NPLOC4: variants seen among roughly 807,000 people sequenced by gnomAD.
NPLOC4 encodes the protein NPL4 homolog, ubiquitin recognition factor, also known as nuclear protein localization protein 4 homolog.
Under a neutral mutation model 80.6 loss-of-function variants are expected in NPLOC4, and 18 were observed. The observed-to-expected ratio is 0.22, with a 90% CI of 0.15 to 0.33. The LOEUF (loss-of-function observed/expected upper bound fraction) is 0.33. Among genes scored for constraint, NPLOC4 ranks in the 10% least tolerant of loss-of-function variants. The probability of loss-of-function intolerance (pLI) is 1.00; values close to 1 mark genes in which losing one functional copy is unlikely to be tolerated. For synonymous variants in NPLOC4, 313 were observed against 301.5 expected (o/e 1.04, Z -0.39); for missense variants, 540 against 786.1 (o/e 0.69, Z 3.74).
At position 81,572,903 on chromosome 17, in the gene NPLOC4, C is replaced by A. The variant is rs1441495861; in HGVS notation, c.1282-815G>T. Among the ~76,000 whole-genome samples, 1 of 152,202 alleles carries A rather than the reference C, an allele frequency of 6.6e-6. No homozygotes were observed. Among genetic ancestry groups the A allele is most frequent in the East Asian group, 1.9e-4 (1 of 5,202 alleles). On this transcript the variant is annotated intron_variant, in intron 12 of 16. Coordinates refer to ENST00000331134, the MANE Select transcript of NPLOC4 (RefSeq NM_017921.4). The surrounding 1 kb of genome is among the most constrained non-coding windows in gnomAD (Gnocchi z 4.5). ...ATAAAGGCATGCACAAATGAGCGCA[C>A]ACACAAATATGAAGACACGGGAACC...
rs1262833834 is a variant in NPLOC4 at position 81,631,450 on chromosome 17, TTTTTTTTTTTTTC to T, written c.16-1658_16-1646del. ...TATATATATATATTTTTTTTTTTTT[TTTTTTTTTTTTTC>T]CCCCACGGCAAGCCTAAAAAGGTTG... On this transcript the variant is annotated intron_variant, in intron 1 of 16. Coordinates refer to ENST00000331134, the MANE Select transcript of NPLOC4 (RefSeq NM_017921.4). 7.6e-5 allele frequency among the ~76,000 whole-genome samples: 8 copies of T among 105,830 alleles called. 1 individual carries two copies. Among genetic ancestry groups the T allele is most frequent in the East Asian group, 6.1e-4 (2 of 3,298 alleles). 69.4% of individuals were successfully genotyped at this position (105,830 alleles called of 152,430 possible).
chr17:81,635,157 C>T (rs1393697485), intron 1 of NPLOC4, among the ~76,000 whole-genome samples: 2 of 151,724 alleles, frequency 1.3e-5, no homozygotes, highest in South Asian at 2.1e-4. Context: ...CTGGCCAACA[C>T]GGTGAAACCC....
rs1321468594 is a variant in NPLOC4, at chr17:81,611,944, A to T, written c.386+1374T>A. Among the ~76,000 whole-genome samples the T allele has an allele frequency of 2.1e-5, 3 of 140,044 alleles. No individual in the cohort carries two copies. The East Asian group carries it at 6.1e-4, about 29-fold the overall frequency. The allele number at this position is 140,044 out of a possible 152,430, so 91.9% of individuals were successfully genotyped here. A position where few individuals can be genotyped will look rare whatever the true frequency, so the allele number is the denominator to read the frequency against. On this transcript the variant is annotated intron_variant, in intron 4 of 16. Coordinates refer to ENST00000331134, the MANE Select transcript of NPLOC4 (RefSeq NM_017921.4). Reference sequence around the variant, plus strand: ...CACTGCACTCCAGCCTGGGTGACAGAGCGAGAGTCCATCTCAAAAAAAAAA... The same window carrying T: ...CACTGCACTCCAGCCTGGGTGACAGTGCGAGAGTCCATCTCAAAAAAAAAA...
At chr17:81,624,563 A>G (rs1454095712) in intron 2 of NPLOC4, among the ~76,000 whole-genome samples, 1 of 151,970 alleles carries the variant, frequency 6.6e-6, no homozygotes, top group Non-Finnish European at 1.5e-5. Context: ...ACGCCATTAC[A>G]CTCTAGCCTG....
intron 12 of NPLOC4, among the ~76,000 whole-genome samples, chr17:81,582,623 G>A (rs1028067638): frequency 6.6e-6 from 1 of 152,122 alleles, no homozygotes; most frequent in Non-Finnish European, 1.5e-5. Flanking sequence ...GACTGGCCTC[G>A]ACTTCCTGAG....
rs542642627 is a variant in NPLOC4 at position 81,633,644 on chromosome 17, T to C, written c.15+3272A>G. 7.0e-4 allele frequency among the ~76,000 whole-genome samples: 107 copies of C among 152,202 alleles called. No homozygotes were observed. In the South Asian group the frequency reaches 7.7e-3, roughly 11 times the overall value. On this transcript the variant is annotated intron_variant, in intron 1 of 16. Transcript: ENST00000331134. ...TTAAGTTTCCCTATTTATAAGAAAA[T>C]AAGACTAGAACGCTTCTTGGGGAAG...
chr17:81,565,282 T>C (rs2033974522), intron 16 of NPLOC4: 2 of 699,446 alleles, frequency 2.9e-6, no homozygotes, highest in Non-Finnish European at 5.2e-6. Context: ...CAGGGCTGTG[T>C]ACCTAAGACG....
intron 6 of NPLOC4, among the ~76,000 whole-genome samples, 159 bp from the exon 7 acceptor site, chr17:81,606,973 G>C (rs1213527603): frequency 6.6e-6 from 1 of 152,208 alleles, no homozygotes; most frequent in African/African-American, 2.4e-5. Flanking sequence ...TCTAATGGAA[G>C]CTCTACCTAC....
rs941192904 is a variant in NPLOC4, at chr17:81,577,743, G to C, written c.1282-5655C>G. ...GACCCATGGCTCTACTCTGGCACCA[G>C]TGCCAACCCTGCTCCCCAAAACCAG... On this transcript the variant is annotated intron_variant, in intron 12 of 16. Coordinates refer to ENST00000331134, the MANE Select transcript of NPLOC4 (RefSeq NM_017921.4). This position sits in a 1 kb window ranked among gnomAD's most constrained non-coding sequence, Gnocchi z 4.3. 6.6e-6 allele frequency among the ~76,000 whole-genome samples: 1 copy of C among 152,174 alleles called. No individual in the cohort carries two copies. The highest frequency in any genetic ancestry group is 6.5e-5 in the Admixed American group (1 of 15,276).
At position 81,618,428 on chromosome 17, in the gene NPLOC4, C is replaced by T. The variant is rs369358806; in HGVS notation, c.209+3738G>A. 1.7e-4 allele frequency among the ~76,000 whole-genome samples: 26 copies of T among 152,098 alleles called. 1 individual carries two copies. In the South Asian group the frequency reaches 4.8e-3, roughly 28 times the overall value. Reference sequence around the variant, plus strand: ...AGGAGCCCCTCCGCCCCGCAGCCGCCCCGTCTGGGAAGTGAGGAGCGTCTC... The same window carrying T: ...AGGAGCCCCTCCGCCCCGCAGCCGCTCCGTCTGGGAAGTGAGGAGCGTCTC... On this transcript the variant is annotated intron_variant, in intron 3 of 16. Transcript: ENST00000331134.
chr17:81,617,091 G>A (rs1448172236), intron 3 of NPLOC4, among the ~76,000 whole-genome samples: 1 of 152,162 alleles, frequency 6.6e-6, no homozygotes, highest in Non-Finnish European at 1.5e-5. Flanking sequence ...CGAGACCCAA[G>A]AGGCAGGCCC....
chr17:81,565,742 T>A, intron 15 of NPLOC4, 135 bp from the exon 16 acceptor site: 1 of 657,866 alleles, frequency 1.5e-6, no homozygotes. Flanking sequence ...GCTATCACTA[T>A]AAAATGCAAA....
intron 12 of NPLOC4, among the ~76,000 whole-genome samples, chr17:81,581,649 C>T (rs903952151): frequency 1.3e-5 from 2 of 152,196 alleles, no homozygotes; most frequent in African/African-American, 4.8e-5. Context: ...CCAGTGAAGG[C>T]AGTCCATGGG....
chr17:81,623,939 T>G (rs1486191061), intron 2 of NPLOC4, among the ~76,000 whole-genome samples: 1 of 152,082 alleles, frequency 6.6e-6, no homozygotes, highest in Admixed American at 6.6e-5. Context: ...TAAGCAGTTC[T>G]ATGTGCTCAG....
intron 11 of NPLOC4, among the ~76,000 whole-genome samples, chr17:81,594,521 C>A (rs1434898618): frequency 2.0e-5 from 3 of 151,574 alleles, no homozygotes; most frequent in African/African-American, 4.8e-5. Context: ...TCACGCCTGT[C>A]ATCCCAGCAC....
chr17:81,613,945 G>GT (rs2035407216), intron 3 of NPLOC4, among the ~76,000 whole-genome samples: 1 of 151,934 alleles, frequency 6.6e-6, no homozygotes. Flanking sequence ...ACATACACAC[G>GT]TAAGCACAGA....
At chr17:81,593,442 T>C (rs2034804807) in intron 11 of NPLOC4, among the ~76,000 whole-genome samples, 1 of 152,106 alleles carries the variant, frequency 6.6e-6, no homozygotes, top group Non-Finnish European at 1.5e-5. Context: ...TATGACTTTA[T>C]TCTGTTTCTT....
intron 2 of NPLOC4, among the ~76,000 whole-genome samples, chr17:81,624,969 A>C (rs986748162): frequency 6.6e-6 from 1 of 152,210 alleles, no homozygotes; most frequent in African/African-American, 2.4e-5. Flanking sequence ...GGCAGGGGGA[A>C]TCATCATCCA....
At position 81,565,871 on chromosome 17, in the gene NPLOC4, C is replaced by T. The variant is rs1168834926; in HGVS notation, c.1567-264G>A. ...CTTGTGCTGACGGTGCTCAACAGCCCGGAGGATAGGAGCTCATGCCTCTCG... is the reference window on the plus strand; with the variant it reads ...CTTGTGCTGACGGTGCTCAACAGCCTGGAGGATAGGAGCTCATGCCTCTCG... On this transcript the variant is annotated intron_variant, in intron 15 of 16. Transcript: ENST00000331134. Among the ~76,000 whole-genome samples, 10 of 152,316 alleles carry T rather than the reference C, an allele frequency of 6.6e-5. No individual in the cohort carries two copies. The South Asian group carries it at 1.2e-3, about 19-fold the overall frequency.
Sources: gnomAD v4.1 joint callset for allele counts (sites outside exome capture counted in the v4.1 genomes callset) on GRCh38, gnomAD v4.1.1 for gene constraint, Gnocchi (gnomAD v3.1) non-coding constraint, MANE v1.5 for transcripts, NCBI Gene and HGNC (gene_info 2026-07-23, HGNC 2026-07-21) for gene names.